Variants in EPB41L4B observed in about 807,000 individuals in gnomAD.
EPB41L4B encodes erythrocyte membrane protein band 4.1 like 4B.
Under a neutral mutation model 112.5 loss-of-function variants are expected in EPB41L4B, and 30 were observed. The ratio of observed to expected loss-of-function variants is 0.27; its 90% confidence interval spans 0.20 to 0.36. The LOEUF is 0.36. Ranked by LOEUF, EPB41L4B falls within the 10% of genes least tolerant of loss-of-function variation. EPB41L4B has a pLI of 1.00. For missense variants in EPB41L4B, 1,024 were observed against 1,133.3 expected (o/e 0.90, Z 1.38); for synonymous variants, 408 against 439.7 (o/e 0.93, Z 0.90).
chr9:109,235,114 G>C (rs1834094034), intron 15 of EPB41L4B, among the ~76,000 whole-genome samples: 2 of 152,198 alleles, frequency 1.3e-5, no homozygotes, highest in South Asian at 4.1e-4. Context: ...TCTGCCATGT[G>C]CAGATGGGAA....
intron 22 of EPB41L4B, among the ~76,000 whole-genome samples, chr9:109,187,293 C>T (rs1439249456): frequency 6.6e-6 from 1 of 152,140 alleles, no homozygotes; most frequent in African/African-American, 2.4e-5. Context: ...TATCTCTGTC[C>T]TCTTTACAAT....
intron 1 of EPB41L4B, among the ~76,000 whole-genome samples, chr9:109,280,838 G>A (rs575785851): frequency 3.0e-4 from 45 of 151,720 alleles, no homozygotes; most frequent in African/African-American, 8.9e-4. Flanking sequence ...AGGATGACTC[G>A]GTGGCAACTC....
intron 24 of EPB41L4B, among the ~76,000 whole-genome samples, chr9:109,182,112 C>T (rs567931271): frequency 3.3e-5 from 5 of 151,884 alleles, no homozygotes; most frequent in African/African-American, 4.8e-5. Context: ...AGGAGGCCGA[C>T]GCAGGAGAAA....
intron 15 of EPB41L4B, chr9:109,239,705 C>T: frequency 4.2e-6 from 2 of 476,870 alleles, no homozygotes; most frequent in Non-Finnish European, 5.5e-6. Context: ...TTCTTGGTTG[C>T]AGACAACTGA....
At chr9:109,230,806 T>C (rs757409847) in intron 15 of EPB41L4B, among the ~76,000 whole-genome samples, 21 of 152,160 alleles carry the variant, frequency 1.4e-4, no homozygotes, top group Admixed American at 5.2e-4. Flanking sequence ...TTAGTGGTCT[T>C]ATATCTAAAA....
chr9:109,233,884 T>C (rs1009225712), intron 15 of EPB41L4B, among the ~76,000 whole-genome samples: 6 of 152,172 alleles, frequency 3.9e-5, no homozygotes, highest in Non-Finnish European at 5.9e-5. Flanking sequence ...ATTCAAGCCT[T>C]CCCTTTCCTC....
chr9:109,195,681 C>G (rs1206495729), intron 20 of EPB41L4B, among the ~76,000 whole-genome samples: 1 of 152,074 alleles, frequency 6.6e-6, no homozygotes, highest in Non-Finnish European at 1.5e-5. Context: ...AGTGGAGGAG[C>G]GGGGTTAAAA....
At chr9:109,207,084 C>T (rs1043481770) in intron 18 of EPB41L4B, among the ~76,000 whole-genome samples, 9 of 152,224 alleles carry the variant, frequency 5.9e-5, no homozygotes, top group Non-Finnish European at 8.8e-5. Context: ...GAAATGCCAG[C>T]GCCAGGCACA....
chr9:109,314,881 G>A (rs1837575304), intron 1 of EPB41L4B, among the ~76,000 whole-genome samples: 1 of 152,138 alleles, frequency 6.6e-6, no homozygotes, highest in African/African-American at 2.4e-5. Context: ...GTAGAAATGA[G>A]AAGCTGTCTT....
intron 17 of EPB41L4B, among the ~76,000 whole-genome samples, chr9:109,209,753 T>A (rs1833100167): frequency 6.6e-6 from 1 of 152,296 alleles, no homozygotes; most frequent in South Asian, 2.1e-4. Flanking sequence ...TTCATACGCA[T>A]GTCTCACCAA....
intron 1 of EPB41L4B, among the ~76,000 whole-genome samples, chr9:109,308,169 T>C (rs1300069760): frequency 6.6e-6 from 1 of 152,016 alleles, no homozygotes; most frequent in African/African-American, 2.4e-5. Flanking sequence ...AATGGGTTCA[T>C]GGAGGGCCTC....
chr9:109,203,877 T>C, intron 18 of EPB41L4B, 147 bp from the exon 19 acceptor site: 1 of 655,440 alleles, frequency 1.5e-6, no homozygotes, highest in South Asian at 1.9e-5. Context: ...TAGAGAATCT[T>C]GCACTGGTGT....
In EPB41L4B at chr9:109,194,312, G is replaced by T. The variant is rs1469104921; in HGVS notation, c.2131C>A (p.Gln711Lys). ...GGGGACGGCAGCGGCACGGAGACTT[G>T]TGTGGCGGCCGTTGTGGTGTTTGTG... ...TTTNTTTAAT[Q>K]VSVPLPSPKV... The change falls in exon 21 of 26, where the codon CAA becomes AAA. Residue 711 changes from glutamine to lysine, a missense_variant. Coordinates refer to ENST00000374566, the MANE Select transcript of EPB41L4B (RefSeq NM_019114.5). The T allele has an allele frequency of 6.2e-7, 1 of 1,614,196 alleles. No individual in the cohort carries two copies.
At chr9:109,212,254 C>A (rs1285840196) in intron 17 of EPB41L4B, among the ~76,000 whole-genome samples, 1 of 152,064 alleles carries the variant, frequency 6.6e-6, no homozygotes, top group Non-Finnish European at 1.5e-5. Context: ...CTGGATAAGC[C>A]CCCATTAAAA....
rs112109433 is a variant in EPB41L4B, at chr9:109,312,335, T to C, written c.306+7806A>G. On this transcript the variant is annotated intron_variant, in intron 1 of 25. Transcript: ENST00000374566. ...ACTTTTTAAAAACATCACCTACTTC[T>C]GATCTGAGTGTTGAATTATGGCCAT... Among the ~76,000 whole-genome samples the C allele has an allele frequency of 1.9e-4, 29 of 152,352 alleles. 2 individuals are homozygous for C. The highest frequency in any genetic ancestry group is 7.0e-4 in the African/African-American group (29 of 41,584).
chr9:109,212,398 T>G (rs375323912), intron 17 of EPB41L4B, among the ~76,000 whole-genome samples: 12 of 152,304 alleles, frequency 7.9e-5, no homozygotes, highest in East Asian at 5.8e-4. Context: ...AAAGATCTGT[T>G]GATTGAATGG....
chr9:109,220,239 C>T (rs777280281), intron 15 of EPB41L4B, among the ~76,000 whole-genome samples: 27 of 152,050 alleles, frequency 1.8e-4, no homozygotes, highest in Non-Finnish European at 3.1e-4. Context: ...TGTTCCAGGC[C>T]TAAGGAATAG....
chr9:109,311,872 C>T (rs1394215571), intron 1 of EPB41L4B, among the ~76,000 whole-genome samples: 1 of 152,166 alleles, frequency 6.6e-6, no homozygotes, highest in African/African-American at 2.4e-5. Context: ...TCTCCGAGAC[C>T]ATCTGCAAAG....
intron 20 of EPB41L4B, among the ~76,000 whole-genome samples, chr9:109,195,051 G>A (rs1163309362): frequency 2.6e-5 from 4 of 152,110 alleles, no homozygotes; most frequent in African/African-American, 9.7e-5. Context: ...ATGGACACTT[G>A]GCTTGTTCCC....
Sources: gnomAD v4.1 joint callset for allele counts (sites outside exome capture counted in the v4.1 genomes callset) on GRCh38, gnomAD v4.1.1 for gene constraint, MANE v1.5 for transcripts, NCBI Gene and HGNC (gene_info 2026-07-23, HGNC 2026-07-21) for gene names.